FOXJ3: variants seen among roughly 807,000 people sequenced by gnomAD.
The protein encoded by FOXJ3 is forkhead box protein J3.
FOXJ3 carries 22 observed loss-of-function variants against 76.1 expected under a neutral mutation model. That is an observed-to-expected ratio of 0.29 (90% CI 0.21 to 0.41). FOXJ3 has a LOEUF of 0.41. FOXJ3 is among the 10% of genes least tolerant of loss of function. The probability of loss-of-function intolerance (pLI) is 1.00; values close to 1 mark genes in which losing one functional copy is unlikely to be tolerated. For synonymous variants in FOXJ3, 269 were observed against 261.2 expected, an observed-to-expected ratio of 1.03 and a Z score of -0.29; for missense variants, 613 against 762.1, an observed-to-expected ratio of 0.80 and a Z score of 2.30.
chr1:42,279,551 T>C (rs1007011082), intron 2 of FOXJ3, among the ~76,000 whole-genome samples: 2 of 152,106 alleles, frequency 1.3e-5, no homozygotes, highest in Admixed American at 6.5e-5. Context: ...ATTCAGACCA[T>C]TACCACACAA....
chr1:42,258,966 AAAGT>A (rs1650824028), intron 4 of FOXJ3, among the ~76,000 whole-genome samples: 2 of 152,236 alleles, frequency 1.3e-5, no homozygotes, highest in South Asian at 4.1e-4. Context: ...AGCCGAAAAG[AAAGT>A]AACTTGATGG....
Position 42,302,931 on chromosome 1 carries a change from A to G in FOXJ3, c.44+8119T>C, listed in dbSNP as rs555994737. Among the ~76,000 whole-genome samples the G allele has an allele frequency of 3.3e-5, 5 of 150,756 alleles. No homozygotes were observed. In the South Asian group the frequency reaches 1.0e-3, roughly 31 times the overall value. On this transcript the variant is annotated intron_variant, in intron 2 of 12. Coordinates refer to ENST00000361346, the MANE Select transcript of FOXJ3 (RefSeq NM_014947.5). ...AAAAAAAACCTCCTGTCTTTTGCTA[A>G]CAAAAGAGCAAAATATTTTATCAAT...
At chr1:42,219,327 G>A (rs1005944047) in intron 5 of FOXJ3, among the ~76,000 whole-genome samples, 6 of 152,168 alleles carry the variant, frequency 3.9e-5, no homozygotes, top group South Asian at 2.1e-4. Context: ...TCGTGGTATC[G>A]CTTTATTATT....
intron 6 of FOXJ3, among the ~76,000 whole-genome samples, chr1:42,200,093 C>G (rs997698413): frequency 2.7e-5 from 4 of 150,424 alleles, no homozygotes; most frequent in African/African-American, 9.8e-5. Flanking sequence ...ACCTCATGGA[C>G]TCTCTACAAA....
intron 10 of FOXJ3, 38 bp from the exon 11 acceptor site, chr1:42,188,966 T>C (rs756234539): frequency 1.4e-5 from 18 of 1,320,132 alleles, no homozygotes; most frequent in African/African-American, 1.3e-4. Context: ...AGCACTGTTA[T>C]GCAATAAACA....
intron 4 of FOXJ3, among the ~76,000 whole-genome samples, chr1:42,242,670 C>T (rs751125275): frequency 7.2e-5 from 11 of 152,090 alleles, no homozygotes; most frequent in Non-Finnish European, 1.2e-4. Context: ...GCAATCTACC[C>T]GGCCCACTGC....
intron 2 of FOXJ3, among the ~76,000 whole-genome samples, chr1:42,279,494 G>A (rs535514192): frequency 2.0e-5 from 3 of 152,268 alleles, no homozygotes; most frequent in South Asian, 2.1e-4. Context: ...TTGGGCAAAC[G>A]TCCAGTGATT....
At chr1:42,227,855 C>A in intron 5 of FOXJ3, 28 bp downstream of exon 5, 1 of 1,357,710 alleles carries the variant, frequency 7.4e-7, no homozygotes, top group Non-Finnish European at 1.0e-6. Flanking sequence ...CAATGCATTA[C>A]ACTAAATTTA....
intron 5 of FOXJ3, among the ~76,000 whole-genome samples, chr1:42,223,868 T>C (rs1056880367): frequency 2.0e-5 from 3 of 152,230 alleles, no homozygotes; most frequent in Non-Finnish European, 4.4e-5. Context: ...ATAATGTAGT[T>C]GTAGACAGCA....
At chr1:42,275,833 G>A (rs1302414180) in intron 3 of FOXJ3, among the ~76,000 whole-genome samples, 4 of 152,214 alleles carry the variant, frequency 2.6e-5, no homozygotes, top group East Asian at 1.9e-4. Flanking sequence ...CAAAAAAAAG[G>A]GCTAAGCAAA....
Position 42,181,961 on chromosome 1 carries a change from G to C in FOXJ3, c.1709C>G (p.Pro570Arg). 6.2e-7 allele frequency: 1 copy of C among 1,613,470 alleles called. No individual in the cohort carries two copies. Among genetic ancestry groups the C allele is most frequent in the East Asian group, 2.2e-5 (1 of 44,870 alleles). Residue 570 changes from proline (P) to arginine (R), a missense_variant, in exon 12 of 13, where the codon CCT becomes CGT. Around this residue, in one of 3 missense-constraint regions of FOXJ3, gnomAD observed 526 missense variants for 601.4 expected, o/e 0.87. Transcript: ENST00000361346. The part of the protein sequence containing the change: ...PPSVMPPPGY[P>R]HIPQALSTPG... The stretch of plus-strand genomic sequence containing the variant: ...AGTGCTGAGTGCCTGTGGGATATGA[G>C]GATAACCAGGGGGTGGCATCACTGA...
At chr1:42,304,439 A>G (rs1362107653) in intron 2 of FOXJ3, among the ~76,000 whole-genome samples, 1 of 152,156 alleles carries the variant, frequency 6.6e-6, no homozygotes, top group African/African-American at 2.4e-5. Context: ...GACTCAGAAT[A>G]CCCAAAGCTA....
chr1:42,282,618 C>T (rs755041161), intron 2 of FOXJ3, among the ~76,000 whole-genome samples: 7 of 152,074 alleles, frequency 4.6e-5, no homozygotes, highest in African/African-American at 1.2e-4. Context: ...TATCCAATAC[C>T]GTGCCAGGTA....
In FOXJ3 at chr1:42,260,216, A is replaced by T. The variant is rs561859518; in HGVS notation, c.444+4899T>A. Among the ~76,000 whole-genome samples, 27 of 152,122 alleles carry T rather than the reference A, an allele frequency of 1.8e-4. No homozygotes were observed. The South Asian group carries it at 5.6e-3, about 32-fold the overall frequency. ...AATGTTATATTTTATGTTCCCTCAA[A>T]CCTCTCCAGTTTTTCTACATATTTT... On this transcript the variant is annotated intron_variant, in intron 4 of 12. Coordinates refer to ENST00000361346, the MANE Select transcript of FOXJ3 (RefSeq NM_014947.5).
At chr1:42,280,275 G>C (rs771697874) in intron 2 of FOXJ3, 1 of 981,222 alleles carries the variant, frequency 1.0e-6, no homozygotes, top group South Asian at 4.7e-5. Context: ...AGACAACCAC[G>C]AGGATTCTAC....
At chr1:42,255,856 A>T (rs1262906266) in intron 4 of FOXJ3, among the ~76,000 whole-genome samples, 2 of 152,138 alleles carry the variant, frequency 1.3e-5, no homozygotes, top group Non-Finnish European at 2.9e-5. Flanking sequence ...CCCCGTCTCT[A>T]CTAAAAAATG....
At chr1:42,199,751 G>A (rs1646722947) in intron 6 of FOXJ3, among the ~76,000 whole-genome samples, 2 of 151,658 alleles carry the variant, frequency 1.3e-5, no homozygotes, top group Non-Finnish European at 2.9e-5. Flanking sequence ...AAAATAATAT[G>A]CTAATATATG....
intron 9 of FOXJ3, 109 bp downstream of exon 9, chr1:42,191,194 A>T (rs1646533621): frequency 3.0e-6 from 3 of 993,524 alleles, no homozygotes; most frequent in Admixed American, 2.7e-5. Flanking sequence ...TATAGCAAGG[A>T]AACAGATGTA....
intron 6 of FOXJ3, among the ~76,000 whole-genome samples, chr1:42,201,593 T>A (rs1474245469): frequency 6.6e-6 from 1 of 152,236 alleles, no homozygotes; most frequent in African/African-American, 2.4e-5. Context: ...TGTGATGTTA[T>A]CTTTTTTATG....
Sources: gnomAD v4.1 joint callset for allele counts (sites outside exome capture counted in the v4.1 genomes callset) on GRCh38, gnomAD v4.1.1 for gene constraint, gnomAD v4.1.1 regional missense constraint, MANE v1.5 for transcripts, NCBI Gene and HGNC (gene_info 2026-07-23, HGNC 2026-07-21) for gene names.